USP10: variants seen among roughly 807,000 people sequenced by gnomAD.
The protein encoded by USP10 is ubiquitin specific peptidase 10.
Under a neutral mutation model 84.5 loss-of-function variants are expected in USP10, and 22 were observed. That is an observed-to-expected ratio of 0.26 (90% CI 0.19 to 0.37). USP10 has a LOEUF of 0.37. Ranked by LOEUF, USP10 falls within the 10% of genes least tolerant of loss-of-function variation. The probability of loss-of-function intolerance (pLI) is 1.00; values close to 1 mark genes in which losing one functional copy is unlikely to be tolerated. For synonymous variants in USP10, 454 were observed against 387.6 expected, an observed-to-expected ratio of 1.17 and a Z score of -2.01; for missense variants, 1,019 against 998.9, an observed-to-expected ratio of 1.02 and a Z score of -0.27.
In USP10 at chr16:84,759,992, A is replaced by T. The variant is rs1358925558; in HGVS notation, c.1450+46A>T. The T allele has an allele frequency of 3.7e-6, 6 of 1,600,286 alleles. No homozygotes were observed. The African/African-American group carries it at 6.7e-5, about 18-fold the overall frequency. On this transcript the variant is annotated intron_variant, in intron 7 of 13. Coordinates refer to ENST00000219473, the MANE Select transcript of USP10 (RefSeq NM_005153.3). ...TTGATGCTATTACATATTGGGAGTT[A>T]TGGAGACAGATGACTTAAATTTGGT...
chr16:84,746,407 G>A (rs1911230047), intron 4 of USP10, among the ~76,000 whole-genome samples: 1 of 152,260 alleles, frequency 6.6e-6, no homozygotes, highest in South Asian at 2.1e-4. Flanking sequence ...ACATCAGAGA[G>A]TACTACACAA....
intron 1 of USP10, among the ~76,000 whole-genome samples, chr16:84,726,145 G>C (rs2150786329): frequency 6.6e-6 from 1 of 152,308 alleles, no homozygotes; most frequent in Non-Finnish European, 1.5e-5. Context: ...ATGTTAATTT[G>C]GAACAACCTG....
intron 1 of USP10, among the ~76,000 whole-genome samples, chr16:84,716,963 A>G (rs1340068574): frequency 2.6e-5 from 4 of 152,214 alleles, no homozygotes; most frequent in Non-Finnish European, 5.9e-5. Context: ...CTGTGATAGC[A>G]GTGTGCTTGC....
chr16:84,726,469 G>C (rs1205781873), intron 1 of USP10, among the ~76,000 whole-genome samples: 2 of 152,222 alleles, frequency 1.3e-5, no homozygotes, highest in African/African-American at 2.4e-5. Context: ...TCTCAACTCA[G>C]GCCCCCTGAG....
intron 3 of USP10, among the ~76,000 whole-genome samples, chr16:84,742,469 A>T (rs997829362): frequency 6.6e-6 from 1 of 152,166 alleles, no homozygotes; most frequent in South Asian, 2.1e-4. Context: ...TAATCTCTGT[A>T]TATTTCCCTC....
chr16:84,732,421 C>G (rs1263762288), intron 1 of USP10: 1 of 398,238 alleles, frequency 2.5e-6, no homozygotes, highest in South Asian at 1.8e-5. Context: ...ATTGCTAATT[C>G]TTCTCAATGA....
intron 4 of USP10, among the ~76,000 whole-genome samples, chr16:84,748,037 C>G (rs1366694815): frequency 2.0e-5 from 3 of 150,416 alleles, no homozygotes; most frequent in East Asian, 2.1e-4. Flanking sequence ...GCCTGTAGTC[C>G]CAGCTACTCA....
chr16:84,736,519 A>C (rs1476073479), intron 2 of USP10, among the ~76,000 whole-genome samples: 2 of 152,208 alleles, frequency 1.3e-5, no homozygotes, highest in Non-Finnish European at 2.9e-5. Context: ...GTGATTTAAA[A>C]ATTATTTTCT....
chr16:84,700,030 G>T lies in USP10; in HGVS notation c.-61G>T, dbSNP rs1679835869. 1.5e-6 allele frequency: 2 copies of T among 1,334,930 alleles called. No individual in the cohort carries two copies. Among genetic ancestry groups the T allele is most frequent in the Non-Finnish European group, 9.8e-7 (1 of 1,018,786 alleles). 82.7% of individuals were successfully genotyped at this position (1,334,930 alleles called of 1,614,324 possible). ...TGTATGTGCGGGCGAGAAGATGGCG[G>T]CGGCGGGGGAAGCAGCGTGAGCAGC... On this transcript the variant is annotated 5_prime_UTR_variant, in exon 1 of 14. Transcript: ENST00000219473.
At chr16:84,768,101 C>T in intron 10 of USP10, 92 bp from the exon 11 acceptor site, 4 of 1,346,070 alleles carry the variant, frequency 3.0e-6, no homozygotes, top group Non-Finnish European at 4.0e-6. Flanking sequence ...ATTGAATAAT[C>T]TTATTTTCAG....
chr16:84,714,526 TC>T (rs1226718704), intron 1 of USP10, among the ~76,000 whole-genome samples: 1 of 151,920 alleles, frequency 6.6e-6, no homozygotes, highest in Non-Finnish European at 1.5e-5. Flanking sequence ...TTAAATATTT[TC>T]CTTTGCGATT....
At chr16:84,749,155 T>G (rs538463210) in intron 4 of USP10, among the ~76,000 whole-genome samples, 9 of 152,322 alleles carry the variant, frequency 5.9e-5, no homozygotes, top group African/African-American at 2.2e-4. Flanking sequence ...TGGCATTGTT[T>G]GAAATTTTTT....
intron 1 of USP10, among the ~76,000 whole-genome samples, chr16:84,731,181 G>A (rs538495288): frequency 3.3e-5 from 5 of 151,412 alleles, no homozygotes; most frequent in East Asian, 3.9e-4. Context: ...GGGTTTCACC[G>A]TGTTAGCCAG....
intron 2 of USP10, among the ~76,000 whole-genome samples, chr16:84,737,553 A>T (rs571456595): frequency 1.3e-5 from 2 of 152,340 alleles, no homozygotes; most frequent in East Asian, 3.9e-4. Flanking sequence ...CCCATCTGGC[A>T]TTCCTGCAGG....
chr16:84,773,597 C>T (rs1304065615), intron 12 of USP10, among the ~76,000 whole-genome samples: 14 of 152,204 alleles, frequency 9.2e-5, no homozygotes, highest in African/African-American at 7.2e-5. Flanking sequence ...TTTCTGCTGA[C>T]GGGCTTGGCT....
intron 13 of USP10, among the ~76,000 whole-genome samples, chr16:84,777,458 T>C (rs150143754): frequency 2.0e-5 from 3 of 152,348 alleles, no homozygotes; most frequent in African/African-American, 7.2e-5. Context: ...GACATGCTGC[T>C]GTCATGGGTG....
At chr16:84,710,127 G>A (rs1354438874) in intron 1 of USP10, among the ~76,000 whole-genome samples, 2 of 151,980 alleles carry the variant, frequency 1.3e-5, no homozygotes, top group African/African-American at 2.4e-5. Context: ...AAAATTAGCC[G>A]GGCGTGGTGG....
intron 11 of USP10, among the ~76,000 whole-genome samples, chr16:84,768,705 C>G (rs1914119711): frequency 6.6e-6 from 1 of 152,156 alleles, no homozygotes; most frequent in Non-Finnish European, 1.5e-5. Flanking sequence ...CCGTAGGGTA[C>G]AACTGTCATT....
intron 4 of USP10, among the ~76,000 whole-genome samples, chr16:84,757,843 G>A (rs1055067145): frequency 1.3e-5 from 2 of 152,166 alleles, no homozygotes; most frequent in Non-Finnish European, 2.9e-5. Context: ...TGGTGAAAGG[G>A]TCAAAGTGGT....
Sources: gnomAD v4.1 joint callset for allele counts (sites outside exome capture counted in the v4.1 genomes callset) on GRCh38, gnomAD v4.1.1 for gene constraint, MANE v1.5 for transcripts, NCBI Gene and HGNC (gene_info 2026-07-23, HGNC 2026-07-21) for gene names.